The following ZNF469 variants were observed in gnomAD, a reference collection of about 807,000 sequenced individuals.
ZNF469 encodes zinc finger protein 469.
Under a neutral mutation model 1.0 loss-of-function variants are expected in ZNF469, and 1 was observed. The ratio of observed to expected loss-of-function variants is 1.00; its 90% CI spans 0.35 to 4.73. ZNF469 has a LOEUF of 4.73. Ranked by LOEUF, ZNF469 falls within the 30% of genes most tolerant of loss-of-function variation. The probability of loss-of-function intolerance (pLI) is 0.16; values close to 1 mark genes in which losing one functional copy is unlikely to be tolerated. For missense variants in ZNF469, 6,100 were observed against 5,356.3 expected (o/e 1.14, Z -4.33); for synonymous variants, 2,703 against 2,363.4 (o/e 1.14, Z -4.17).
chr16:88,353,740 T>C, the ZNF469 span, among the ~76,000 whole-genome samples: 21,104 of 152,132 alleles, frequency 0.14, 1,579 homozygotes, highest in East Asian at 0.28. Context: ...TGAAATGAGG[T>C]CATACACAGA....
the ZNF469 span, among the ~76,000 whole-genome samples, chr16:88,338,539 GC>G: frequency 2.0e-5 from 3 of 152,182 alleles, no homozygotes; most frequent in African/African-American, 7.2e-5. Flanking sequence ...GAACCACAGA[GC>G]CCCCAAGCCA....
At chr16:88,280,336 C>T in the ZNF469 span, among the ~76,000 whole-genome samples, 4 of 151,850 alleles carry the variant, frequency 2.6e-5, no homozygotes, top group Non-Finnish European at 1.5e-5. Flanking sequence ...TAGTGCTGCG[C>T]TACGCCGACA....
the ZNF469 span, among the ~76,000 whole-genome samples, chr16:88,296,941 G>A: frequency 1.3e-5 from 2 of 152,194 alleles, no homozygotes; most frequent in African/African-American, 2.4e-5. Context: ...GGGCCATTTC[G>A]GTGCAGGCTG....
chr16:88,397,255 G>A (rs1904712614), intron 1 of ZNF469, among the ~76,000 whole-genome samples: 1 of 152,262 alleles, frequency 6.6e-6, no homozygotes, highest in Non-Finnish European at 1.5e-5. Flanking sequence ...ACCCTCAAGC[G>A]ATCACCATGG....
At chr16:88,318,333 C>G in the ZNF469 span, among the ~76,000 whole-genome samples, 4 of 152,184 alleles carry the variant, frequency 2.6e-5, no homozygotes, top group African/African-American at 9.6e-5. Context: ...CCCCTCCAGC[C>G]CAGCCTCCTC....
At chr16:88,307,608 C>G in the ZNF469 span, among the ~76,000 whole-genome samples, 1 of 152,198 alleles carries the variant, frequency 6.6e-6, no homozygotes, top group Non-Finnish European at 1.5e-5. Context: ...ATATCAGTGT[C>G]TTTTCATGTG....
At chr16:88,244,626 T>G in the ZNF469 span, among the ~76,000 whole-genome samples, 1 of 150,586 alleles carries the variant, frequency 6.6e-6, no homozygotes, top group East Asian at 2.0e-4. Flanking sequence ...GATGTATAAG[T>G]GAAAGGATGG....
the ZNF469 span, among the ~76,000 whole-genome samples, chr16:88,136,292 G>A: frequency 6.6e-6 from 1 of 152,168 alleles, no homozygotes; most frequent in Non-Finnish European, 1.5e-5. Flanking sequence ...CATCTGGCCC[G>A]CCCTACAGGC....
At chr16:88,223,767 C>T in the ZNF469 span, among the ~76,000 whole-genome samples, 11 of 152,250 alleles carry the variant, frequency 7.2e-5, no homozygotes, top group Non-Finnish European at 1.5e-4. Context: ...CTGTGTCCTT[C>T]CACAGCACTC....
chr16:88,180,430 G>A, the ZNF469 span, among the ~76,000 whole-genome samples: 5 of 152,102 alleles, frequency 3.3e-5, no homozygotes, highest in African/African-American at 7.2e-5. Flanking sequence ...ATAGATATCC[G>A]AACAAGGAAT....
chr16:88,125,713 T>C, the ZNF469 span, among the ~76,000 whole-genome samples: 1 of 152,236 alleles, frequency 6.6e-6, no homozygotes, highest in African/African-American at 2.4e-5. Flanking sequence ...AGCTCATATT[T>C]TGTTAAATTT....
At chr16:88,302,662 T>C in the ZNF469 span, among the ~76,000 whole-genome samples, 2 of 152,120 alleles carry the variant, frequency 1.3e-5, no homozygotes, top group Non-Finnish European at 1.5e-5. Context: ...TGAACAGACG[T>C]TGGGAGGAAG....
chr16:88,431,331 G>T lies in ZNF469; in HGVS notation c.3861G>T (p.Thr1287=). 6.5e-7 allele frequency: 1 copy of T among 1,549,524 alleles called. No homozygotes were observed. Among genetic ancestry groups the T allele is most frequent in the Non-Finnish European group, 8.7e-7 (1 of 1,146,596 alleles). The change falls in exon 3 of 3, where the codon ACG becomes ACT. Residue 1287 remains threonine, a synonymous_variant. Coordinates refer to ENST00000565624, the MANE Select transcript of ZNF469 (RefSeq NM_001367624.2). ...TPKPSGSLAN[T]APHGSSPTPG... is the part of the protein sequence containing the mutation. ...AGCCGTCGGGAAGCCTCGCCAACAC[G>T]GCGCCCCACGGAAGCTCGCCAACGC...
At chr16:88,135,968 C>G in the ZNF469 span, among the ~76,000 whole-genome samples, 5 of 151,882 alleles carry the variant, frequency 3.3e-5, no homozygotes, top group African/African-American at 1.2e-4. Context: ...ACTGTGTTAG[C>G]CAGGATGGTC....
At chr16:88,406,876 T>C (rs1247387593) in intron 1 of ZNF469, among the ~76,000 whole-genome samples, 1 of 152,208 alleles carries the variant, frequency 6.6e-6, no homozygotes, top group African/African-American at 2.4e-5. Flanking sequence ...CCCCCAGGTC[T>C]CCTGATTCCC....
At chr16:88,324,901 C>T in the ZNF469 span, among the ~76,000 whole-genome samples, 1 of 152,132 alleles carries the variant, frequency 6.6e-6, no homozygotes, top group South Asian at 2.1e-4. Flanking sequence ...AGAGGGTTGG[C>T]TCACAGTTCT....
At chr16:88,367,511 T>C in the ZNF469 span, among the ~76,000 whole-genome samples, 11 of 152,228 alleles carry the variant, frequency 7.2e-5, no homozygotes, top group African/African-American at 2.7e-4. Context: ...TTTGCCATGA[T>C]AGCAGACACA....
the ZNF469 span, among the ~76,000 whole-genome samples, chr16:88,274,446 A>G: frequency 6.6e-6 from 1 of 152,260 alleles, no homozygotes; most frequent in Non-Finnish European, 1.5e-5. Context: ...TAGAAATATA[A>G]GTCTCATAGA....
At chr16:88,244,575 G>A in the ZNF469 span, among the ~76,000 whole-genome samples, 2 of 146,180 alleles carry the variant, frequency 1.4e-5, no homozygotes, top group African/African-American at 2.5e-5. Flanking sequence ...ATGGATGCAT[G>A]GATGGATGGA....
Sources: gnomAD v4.1 joint callset for allele counts (sites outside exome capture counted in the v4.1 genomes callset) on GRCh38, gnomAD v4.1.1 for gene constraint, MANE v1.5 for transcripts, NCBI Gene and HGNC (gene_info 2026-07-23, HGNC 2026-07-21) for gene names.